CTNND2: variants seen among roughly 807,000 people sequenced by gnomAD.
CTNND2 encodes the protein catenin delta-2.
CTNND2 carries 22 observed loss-of-function variants against 144.4 expected under a neutral mutation model. That is an observed-to-expected ratio of 0.15 (90% CI 0.11 to 0.22). The LOEUF (loss-of-function observed/expected upper bound fraction) is 0.22, where lower values mean the gene tolerates loss of function less well. CTNND2 is among the 10% of genes least tolerant of loss of function. The pLI is 1.00. For synonymous variants in CTNND2, 751 were observed against 695.6 expected, an observed-to-expected ratio of 1.08 and a Z score of -1.25; for missense variants, 1,353 against 1,618.8, an observed-to-expected ratio of 0.84 and a Z score of 2.82.
intron 16 of CTNND2, among the ~76,000 whole-genome samples, chr5:11,080,229 ATATCAC>A: frequency 6.6e-6 from 1 of 152,302 alleles, no homozygotes; most frequent in East Asian, 1.9e-4. Flanking sequence ...GAAAGGTTCA[ATATCAC>A]TAAGCAATGC....
In CTNND2 at chr5:11,166,349, C is replaced by A. The variant is rs137930643; in HGVS notation, c.1976-6590G>T. 4.7e-5 allele frequency among the ~76,000 whole-genome samples: 7 copies of A among 150,210 alleles called. No individual in the cohort carries two copies. In the South Asian group the frequency reaches 6.4e-4, roughly 14 times the overall value. ...CTGCAAGCTCTGCCTCCTGGATTCACGTCATTCTCCTGCCCCAGCCTCCCA... is the reference window on the plus strand; with the variant it reads ...CTGCAAGCTCTGCCTCCTGGATTCAAGTCATTCTCCTGCCCCAGCCTCCCA... On this transcript the variant is annotated intron_variant, in intron 11 of 21. Coordinates refer to ENST00000304623, the MANE Select transcript of CTNND2 (RefSeq NM_001332.4).
chr5:11,001,109 C>T (rs1185969182), intron 18 of CTNND2, among the ~76,000 whole-genome samples: 5 of 152,188 alleles, frequency 3.3e-5, no homozygotes, highest in Non-Finnish European at 7.3e-5. Flanking sequence ...CCCAATCACA[C>T]CTGATCACCC....
intron 1 of CTNND2, among the ~76,000 whole-genome samples, chr5:11,821,628 C>G (rs1561833649): frequency 6.6e-6 from 1 of 152,094 alleles, no homozygotes; most frequent in East Asian, 1.9e-4. Flanking sequence ...TTCTAACTGC[C>G]CAGTCTTCTT....
At chr5:11,090,351 A>C (rs577556964) in intron 15 of CTNND2, among the ~76,000 whole-genome samples, 7 of 152,328 alleles carry the variant, frequency 4.6e-5, no homozygotes, top group South Asian at 4.1e-4. Flanking sequence ...AAGTGCTCTC[A>C]GTGCAATTGG....
intron 3 of CTNND2, among the ~76,000 whole-genome samples, chr5:11,530,693 A>AG: frequency 6.6e-6 from 1 of 152,212 alleles, no homozygotes; most frequent in Non-Finnish European, 1.5e-5. Flanking sequence ...AGAGGGGCAG[A>AG]GCCTTAACAA....
intron 9 of CTNND2, among the ~76,000 whole-genome samples, chr5:11,266,519 A>G (rs1377111785): frequency 2.0e-5 from 3 of 152,358 alleles, no homozygotes; most frequent in South Asian, 4.1e-4. Context: ...AAAATCAGGC[A>G]CAAATGCTAG....
At chr5:11,137,864 G>T (rs1756316047) in intron 12 of CTNND2, among the ~76,000 whole-genome samples, 1 of 152,098 alleles carries the variant, frequency 6.6e-6, no homozygotes, top group Admixed American at 6.6e-5. Context: ...TTAGCTTTTT[G>T]CTACTGCCAC....
chr5:11,233,854 A>G (rs1741323796), intron 10 of CTNND2, among the ~76,000 whole-genome samples: 1 of 152,140 alleles, frequency 6.6e-6, no homozygotes, highest in Non-Finnish European at 1.5e-5. Context: ...TGCACTTCCC[A>G]TGTTCCTTTG....
chr5:11,047,764 T>C (rs1332852111), intron 16 of CTNND2, among the ~76,000 whole-genome samples: 4 of 152,108 alleles, frequency 2.6e-5, no homozygotes, highest in Non-Finnish European at 5.9e-5. Context: ...CCCTCTTGCT[T>C]ACCAGGTAAA....
chr5:11,551,665 C>T (rs1484492552), intron 3 of CTNND2, among the ~76,000 whole-genome samples: 1 of 151,994 alleles, frequency 6.6e-6, no homozygotes, highest in Non-Finnish European at 1.5e-5. Context: ...ATGGTGCGAT[C>T]TTGGCTCACT....
chr5:11,406,676 G>GT (rs755044588), intron 5 of CTNND2, among the ~76,000 whole-genome samples: 3 of 152,010 alleles, frequency 2.0e-5, no homozygotes, highest in Non-Finnish European at 4.4e-5. Flanking sequence ...AAATAAAACT[G>GT]TAAGTCAACA....
chr5:11,064,174 CTTCCATTTCT>C (rs1361776026), intron 16 of CTNND2, among the ~76,000 whole-genome samples: 1 of 152,256 alleles, frequency 6.6e-6, no homozygotes, highest in Non-Finnish European at 1.5e-5. Context: ...GGTGTGTTCC[CTTCCATTTCT>C]TTCCATTTCT....
chr5:11,406,306 A>C (rs887227978), intron 5 of CTNND2, among the ~76,000 whole-genome samples: 3 of 152,214 alleles, frequency 2.0e-5, no homozygotes, highest in African/African-American at 7.2e-5. Flanking sequence ...GGGATAAGGA[A>C]GGTTTTCTAT....
chr5:11,825,383 AAG>A (rs1327654537), intron 1 of CTNND2, among the ~76,000 whole-genome samples: 1 of 152,212 alleles, frequency 6.6e-6, no homozygotes, highest in Admixed American at 6.5e-5. Flanking sequence ...AGTGAATTTC[AAG>A]ATAACTCAAT....
chr5:11,280,825 G>A (rs1347952046), intron 9 of CTNND2, among the ~76,000 whole-genome samples: 3 of 152,060 alleles, frequency 2.0e-5, no homozygotes, highest in Admixed American at 2.0e-4. Flanking sequence ...CTCCAGCCCT[G>A]AAGACTATTA....
At position 11,178,118 on chromosome 5, in the gene CTNND2, C is replaced by A. The variant is rs373146597; in HGVS notation, c.1976-18359G>T. On this transcript the variant is annotated intron_variant, in intron 11 of 21. Coordinates refer to ENST00000304623, the MANE Select transcript of CTNND2 (RefSeq NM_001332.4). ...GATAGAAATGGGATCTCTCAATGCC[C>A]ATTTCTATTCCTGCAATAGTGTTCA... is the stretch of plus-strand genomic sequence containing the variant. Among the ~76,000 whole-genome samples the A allele has an allele frequency of 3.9e-5, 6 of 152,212 alleles. No individual in the cohort carries two copies. In the East Asian group the frequency reaches 7.7e-4, roughly 20 times the overall value.
At chr5:11,894,510 CAG>C (rs1026670074) in intron 1 of CTNND2, among the ~76,000 whole-genome samples, 10 of 152,156 alleles carry the variant, frequency 6.6e-5, no homozygotes, top group African/African-American at 1.9e-4. Flanking sequence ...TAACAAAATT[CAG>C]AGATTTAGTT....
At chr5:11,482,300 G>A (rs26147) in intron 3 of CTNND2, among the ~76,000 whole-genome samples, 66,416 of 151,804 alleles carry the variant, frequency 0.44, 14,694 homozygotes, top group Middle Eastern at 0.58. Context: ...TGGATAGTGA[G>A]GTCTCCTGGT....
At chr5:11,015,159 T>A (rs981590305) in intron 18 of CTNND2, among the ~76,000 whole-genome samples, 1 of 152,214 alleles carries the variant, frequency 6.6e-6, no homozygotes, top group African/African-American at 2.4e-5. Context: ...ATTTTTTCAA[T>A]GATATGCAAA....
Sources: gnomAD v4.1 joint callset for allele counts (sites outside exome capture counted in the v4.1 genomes callset) on GRCh38, gnomAD v4.1.1 for gene constraint, MANE v1.5 for transcripts, NCBI Gene and HGNC (gene_info 2026-07-23, HGNC 2026-07-21) for gene names.